ANK2: variants seen among roughly 807,000 people sequenced by gnomAD.
ANK2 encodes the protein ankyrin-2.
In ANK2, 83 loss-of-function variants were observed where a neutral mutation model predicts 360.5. That is an observed-to-expected ratio of 0.23 (90% CI 0.19 to 0.28). The LOEUF is 0.28. Among genes scored for constraint, ANK2 ranks in the 10% least tolerant of loss-of-function variants. The pLI, the probability that ANK2 is intolerant of heterozygous loss-of-function variation, is 1.00. For missense variants in ANK2, 4,201 were observed against 4,795.7 expected (o/e 0.88, Z 3.66); for synonymous variants, 1,740 against 1,759.5 (o/e 0.99, Z 0.28).
intron 2 of ANK2, among the ~76,000 whole-genome samples, chr4:112,942,877 A>G (rs1197582220): frequency 6.6e-6 from 1 of 152,096 alleles, no homozygotes; most frequent in African/African-American, 2.4e-5. Flanking sequence ...TCCTAACAAT[A>G]TCTTTTTTAG....
chr4:113,218,990 T>C (rs1224465609), intron 4 of ANK2, among the ~76,000 whole-genome samples: 1 of 152,190 alleles, frequency 6.6e-6, no homozygotes, highest in East Asian at 1.9e-4. Context: ...GCGATTGTTA[T>C]TGACTTAATT....
chr4:113,147,385 C>G (rs1226317399), intron 1 of ANK2, among the ~76,000 whole-genome samples: 1 of 152,200 alleles, frequency 6.6e-6, no homozygotes, highest in African/African-American at 2.4e-5. Context: ...AGTATCATTA[C>G]TACTAGTTCA....
intron 1 of ANK2, among the ~76,000 whole-genome samples, chr4:113,137,633 T>G (rs2096486377): frequency 6.6e-6 from 1 of 152,262 alleles, no homozygotes; most frequent in Admixed American, 6.5e-5. Flanking sequence ...TATTCCTTTC[T>G]TCTTCCTCTT....
intron 2 of ANK2, among the ~76,000 whole-genome samples, chr4:113,019,743 GT>G (rs2057568499): frequency 6.6e-6 from 1 of 152,030 alleles, no homozygotes; most frequent in Admixed American, 6.6e-5. Flanking sequence ...TCATTTTTCT[GT>G]TTGCTTAGAT....
At chr4:113,287,578 A>G (rs772816500) in intron 18 of ANK2, 27 bp from the exon 19 acceptor site, 2 of 1,481,768 alleles carry the variant, frequency 1.3e-6, no homozygotes, top group Non-Finnish European at 1.9e-6. Flanking sequence ...CTTCAACTGT[A>G]TCCCTTTGGT....
chr4:113,072,951 G>GCCTT (rs2078257965), intron 1 of ANK2, among the ~76,000 whole-genome samples: 10 of 92,632 alleles, frequency 1.1e-4, no homozygotes, highest in Non-Finnish European at 6.1e-5. Context: ...CAAGGACAGT[G>GCCTT]TCTTTTTTTT....
chr4:112,964,573 C>CTTTTTTT (rs1434179621), intron 2 of ANK2, among the ~76,000 whole-genome samples: 1 of 138,796 alleles, frequency 7.2e-6, no homozygotes. Flanking sequence ...TTTCTTTTTT[C>CTTTTTTT]TTTTTTTTTT....
At chr4:113,240,704 T>A in intron 8 of ANK2, 121 bp downstream of exon 8, 1 of 823,132 alleles carries the variant, frequency 1.2e-6, no homozygotes, top group Non-Finnish European at 2.0e-6. Context: ...GGGTCTGTGC[T>A]GGAGATACTA....
At chr4:112,708,445 G>A in the ANK2 span, among the ~76,000 whole-genome samples, 1 of 152,102 alleles carries the variant, frequency 6.6e-6, no homozygotes, top group South Asian at 2.1e-4. Context: ...TTATATAATG[G>A]AAATTTAGAA....
chr4:112,811,102 T>C, the ANK2 span, among the ~76,000 whole-genome samples: 1 of 150,582 alleles, frequency 6.6e-6, no homozygotes, highest in Admixed American at 6.6e-5. Flanking sequence ...TGCCCGCTAA[T>C]TTTTTTTTGT....
intron 2 of ANK2, among the ~76,000 whole-genome samples, chr4:113,011,660 G>A (rs2054781105): frequency 6.6e-6 from 1 of 152,056 alleles, no homozygotes; most frequent in South Asian, 2.1e-4. Flanking sequence ...TGACAAGGAT[G>A]TAATTTTCCT....
At chr4:113,341,267 C>T (rs2094266997) in intron 32 of ANK2, among the ~76,000 whole-genome samples, 2 of 152,006 alleles carry the variant, frequency 1.3e-5, no homozygotes, top group African/African-American at 4.8e-5. Context: ...GAAATGACAG[C>T]TAGGGAGGGG....
At position 113,330,306 on chromosome 4, in the gene ANK2, T is replaced by C. The variant is rs376328020; in HGVS notation, c.2961T>C (p.Asn987=). 6 of 1,614,130 alleles carry C rather than the reference T, an allele frequency of 3.7e-6. No homozygotes were observed. The highest frequency in any genetic ancestry group is 5.1e-6 in the Non-Finnish European group (6 of 1,180,050). Residue 987 remains asparagine, a synonymous_variant, in exon 27 of 46, where the codon AAT becomes AAC. Coordinates refer to ENST00000357077, the MANE Select transcript of ANK2 (RefSeq NM_001148.6). ...RGGAMRGCRH[N]GLRIIIPPRK... The stretch of plus-strand genomic sequence containing the variant: ...GTGCTATGCGAGGATGCAGACACAA[T>C]GGGCTCCGAATCATTATTCCACCTC...
intron 1 of ANK2, among the ~76,000 whole-genome samples, chr4:112,838,074 T>G (rs1055227883): frequency 1.3e-5 from 2 of 152,134 alleles, no homozygotes; most frequent in African/African-American, 2.4e-5. Flanking sequence ...TCTTGAATTG[T>G]AGTCCCCACA....
chr4:113,021,532 A>C (rs761790796), intron 2 of ANK2, among the ~76,000 whole-genome samples: 4 of 91,246 alleles, frequency 4.4e-5, no homozygotes, highest in African/African-American at 1.9e-4. Flanking sequence ...ACACACACCC[A>C]CACACAAACA....
At chr4:113,211,337 T>A (rs1584966343) in intron 4 of ANK2, among the ~76,000 whole-genome samples, 1 of 152,328 alleles carries the variant, frequency 6.6e-6, no homozygotes, top group South Asian at 2.1e-4. Context: ...CTCTTTTCCT[T>A]CTTTCACGTA....
chr4:112,896,622 C>T (rs1264113553), intron 1 of ANK2, among the ~76,000 whole-genome samples: 1 of 152,216 alleles, frequency 6.6e-6, no homozygotes, highest in African/African-American at 2.4e-5. Flanking sequence ...TTTGATGTCG[C>T]ATTCCTGACC....
At chr4:113,367,206 C>T (rs1047797995) in intron 41 of ANK2, among the ~76,000 whole-genome samples, 3 of 152,188 alleles carry the variant, frequency 2.0e-5, no homozygotes, top group Admixed American at 1.3e-4. Context: ...TCTTCAGATT[C>T]TGTGCTTTGA....
intron 29 of ANK2, 113 bp downstream of exon 29, chr4:113,333,321 T>C: frequency 7.4e-7 from 1 of 1,344,312 alleles, no homozygotes; most frequent in Non-Finnish European, 1.0e-6. Flanking sequence ...TGTGTGTGTG[T>C]GTGTGTGTGT....
Sources: allele counts gnomAD v4.1 joint callset (sites outside exome capture counted in the v4.1 genomes callset), GRCh38; gene constraint gnomAD v4.1.1; transcripts MANE v1.5; gene names NCBI Gene and HGNC (gene_info 2026-07-23, HGNC 2026-07-21).